The following PCDHGA8 variants were observed in gnomAD, a reference collection of about 807,000 sequenced individuals.
The protein encoded by PCDHGA8 is protocadherin gamma subfamily A, 8, also known as protocadherin gamma-A8.
PCDHGA8 carries 45 observed loss-of-function variants against 59.2 expected under a neutral mutation model. That is an observed-to-expected ratio of 0.76 (90% CI 0.60 to 0.98). The LOEUF is 0.98. Among genes scored for constraint, PCDHGA8 ranks in the 50% least tolerant of loss-of-function variants. The pLI, the probability that PCDHGA8 is intolerant of heterozygous loss-of-function variation, is 0.00. For missense variants in PCDHGA8, 1,257 were observed against 1,196.2 expected (o/e 1.05, Z -0.75); for synonymous variants, 531 against 519.0 (o/e 1.02, Z -0.32).
chr5:141,422,492 C>G (rs747903569), intron 1 of PCDHGA8: 10 of 1,613,934 alleles, frequency 6.2e-6, no homozygotes, highest in Non-Finnish European at 8.5e-6. Flanking sequence ...TACAATATAA[C>G]GTTGACAGCC....
intron 3 of PCDHGA8, among the ~76,000 whole-genome samples, chr5:141,505,989 T>C (rs1275642739): frequency 6.6e-6 from 1 of 152,136 alleles, no homozygotes; most frequent in Non-Finnish European, 1.5e-5. Context: ...ACACCTCCTC[T>C]TTATGCGAGG....
At chr5:141,405,397 T>A (rs1383127737) in intron 1 of PCDHGA8, 3 of 1,591,464 alleles carry the variant, frequency 1.9e-6, no homozygotes, top group Admixed American at 1.8e-5. Context: ...TTTTTTTCTT[T>A]CTTTCTTTTC....
intron 1 of PCDHGA8, chr5:141,478,874 A>G: frequency 1.6e-6 from 2 of 1,276,696 alleles, no homozygotes; most frequent in Non-Finnish European, 2.1e-6. Flanking sequence ...ATCAGAGTTT[A>G]GCTTGGTATC....
intron 2 of PCDHGA8, among the ~76,000 whole-genome samples, chr5:141,499,984 G>A (rs1350203006): frequency 6.6e-6 from 1 of 151,872 alleles, no homozygotes; most frequent in East Asian, 1.9e-4. Context: ...CACCTTGCCC[G>A]GCCAGATGAT....
chr5:141,403,121 C>A, intron 1 of PCDHGA8: 1 of 1,614,046 alleles, frequency 6.2e-7, no homozygotes, highest in Middle Eastern at 1.6e-4. Context: ...TCTGGAGCCC[C>A]GGGAGCTGGC....
At chr5:141,438,834 T>A (rs915381229) in intron 1 of PCDHGA8, among the ~76,000 whole-genome samples, 5 of 150,606 alleles carry the variant, frequency 3.3e-5, no homozygotes, top group South Asian at 2.1e-4. Context: ...GCTAATTTTT[T>A]AAAATATTTT....
chr5:141,469,370 A>T (rs1453825795), intron 1 of PCDHGA8, among the ~76,000 whole-genome samples: 1 of 152,106 alleles, frequency 6.6e-6, no homozygotes, highest in Non-Finnish European at 1.5e-5. Flanking sequence ...AGGTAAAGAG[A>T]TCGAGACCAT....
intron 3 of PCDHGA8, among the ~76,000 whole-genome samples, chr5:141,506,363 C>T (rs1013247178): frequency 4.0e-5 from 6 of 150,792 alleles, no homozygotes; most frequent in South Asian, 4.2e-4. Context: ...GCAGGAGAAT[C>T]GCTTGAACCT....
At chr5:141,411,562 C>A (rs569842846) in intron 1 of PCDHGA8, 1 of 152,054 alleles carries the variant, frequency 6.6e-6, no homozygotes, top group Non-Finnish European at 1.5e-5. Context: ...CCAGCCTGGG[C>A]GACAGAGTGC....
intron 3 of PCDHGA8, among the ~76,000 whole-genome samples, chr5:141,505,942 G>A (rs2099849309): frequency 6.6e-6 from 1 of 152,192 alleles, no homozygotes; most frequent in African/African-American, 2.4e-5. Flanking sequence ...AAGCCCTCAA[G>A]CAATGAAAGT....
rs769461165 is a variant in PCDHGA8, at chr5:141,491,293, C to G, written c.2425-3514C>G. 2 of 1,614,048 alleles carry G rather than the reference C, an allele frequency of 1.2e-6. No individual in the cohort carries two copies. Among genetic ancestry groups the G allele is most frequent in the Admixed American group, 3.3e-5 (2 of 60,008 alleles). ...ATCCAGTGACTTCCTCATACACCCT[C>G]CTGAGCGTTCAGACCTTACCCTTTA... On this transcript the variant is annotated intron_variant, in intron 1 of 3. Coordinates refer to ENST00000398604, the MANE Select transcript of PCDHGA8 (RefSeq NM_032088.2). This position sits in a 1 kb window ranked among gnomAD's most constrained non-coding sequence, Gnocchi z 6.9.
chr5:141,429,573 T>G (rs1026656206), intron 1 of PCDHGA8, among the ~76,000 whole-genome samples: 3 of 152,206 alleles, frequency 2.0e-5, no homozygotes, highest in Non-Finnish European at 4.4e-5. Context: ...TCAGTTACAT[T>G]TACTTTTGAT....
intron 1 of PCDHGA8, among the ~76,000 whole-genome samples, chr5:141,488,738 A>G (rs1462948813): frequency 1.3e-5 from 2 of 152,222 alleles, no homozygotes; most frequent in Non-Finnish European, 2.9e-5. Context: ...TTCTGAAGTC[A>G]TGCAGGAAGT....
intron 2 of PCDHGA8, among the ~76,000 whole-genome samples, chr5:141,500,231 C>T (rs992215482): frequency 1.4e-5 from 2 of 138,098 alleles, no homozygotes; most frequent in East Asian, 4.1e-4. Context: ...TTTATTGATA[C>T]GTAGCCTTGC....
At chr5:141,413,500 A>C (rs1422297029) in intron 1 of PCDHGA8, 2 of 1,614,034 alleles carry the variant, frequency 1.2e-6, no homozygotes, top group South Asian at 1.1e-5. Flanking sequence ...GTGCGTGGTG[A>C]GTTTTAATAT....
intron 1 of PCDHGA8, chr5:141,415,314 C>G (rs375384840): frequency 1.9e-6 from 3 of 1,614,238 alleles, no homozygotes; most frequent in South Asian, 1.1e-5. Context: ...CCTTCGTCAT[C>G]GTGCTGCTGG....
chr5:141,429,416 T>C (rs527999196), intron 1 of PCDHGA8, among the ~76,000 whole-genome samples: 1 of 152,230 alleles, frequency 6.6e-6, no homozygotes, highest in Admixed American at 6.5e-5. Flanking sequence ...GGTCTCATTA[T>C]GTTGCCCAGG....
At chr5:141,495,209 C>T (rs548415564) in intron 2 of PCDHGA8, among the ~76,000 whole-genome samples, 1 of 152,342 alleles carries the variant, frequency 6.6e-6, no homozygotes, top group Admixed American at 6.5e-5. Flanking sequence ...GCCTAACCCC[C>T]TCCCCTGAGT....
At chr5:141,413,109 A>G in intron 1 of PCDHGA8, 2 of 1,498,490 alleles carry the variant, frequency 1.3e-6, no homozygotes, top group African/African-American at 1.4e-5. Flanking sequence ...ACAGAAAGAC[A>G]AAGGAACCGG....
Sources: allele counts gnomAD v4.1 joint callset (sites outside exome capture counted in the v4.1 genomes callset), GRCh38; gene constraint gnomAD v4.1.1; non-coding constraint Gnocchi (gnomAD v3.1); transcripts MANE v1.5; gene names NCBI Gene and HGNC (gene_info 2026-07-23, HGNC 2026-07-21).